Variants in SGCG observed in about 807,000 individuals in gnomAD.
SGCG encodes sarcoglycan gamma, also known as gamma-sarcoglycan.
Under a neutral mutation model 29.3 loss-of-function variants are expected in SGCG, and 26 were observed. The ratio of observed to expected loss-of-function variants is 0.89; its 90% CI spans 0.65 to 1.23. SGCG has a LOEUF of 1.23. Among genes scored for constraint, SGCG ranks in the 50% most tolerant of loss-of-function variants. The pLI is 0.00. For synonymous variants in SGCG, 145 were observed against 129.7 expected (o/e 1.12, Z -0.80); for missense variants, 353 against 356.0 (o/e 0.99, Z 0.07).
intron 1 of SGCG, among the ~76,000 whole-genome samples, chr13:23,196,941 G>A (rs1877536687): frequency 6.6e-6 from 1 of 152,116 alleles, no homozygotes; most frequent in African/African-American, 2.4e-5. Context: ...GCATAACATA[G>A]GCAGCCTGAA....
chr13:23,191,490 G>A (rs1233398946), intron 1 of SGCG, among the ~76,000 whole-genome samples: 1 of 152,206 alleles, frequency 6.6e-6, no homozygotes, highest in Non-Finnish European at 1.5e-5. Flanking sequence ...CTGCTGTAGA[G>A]CATTACAAAT....
At chr13:23,209,594 G>A (rs1258271116) in intron 2 of SGCG, among the ~76,000 whole-genome samples, 1 of 152,180 alleles carries the variant, frequency 6.6e-6, no homozygotes, top group African/African-American at 2.4e-5. Context: ...AATGCACAGT[G>A]GTCATGGAGG....
chr13:23,196,557 T>A (rs1218709268), intron 1 of SGCG, among the ~76,000 whole-genome samples: 1 of 152,202 alleles, frequency 6.6e-6, no homozygotes, highest in Non-Finnish European at 1.5e-5. Context: ...TTTTGGTATG[T>A]TTATTCGTCA....
At chr13:23,237,097 T>C (rs1879344761) in intron 3 of SGCG, among the ~76,000 whole-genome samples, 1 of 152,196 alleles carries the variant, frequency 6.6e-6, no homozygotes, top group Non-Finnish European at 1.5e-5. Flanking sequence ...ACTGATGAGC[T>C]GAGAGAATTT....
At chr13:23,161,280 G>C in the SGCG span, among the ~76,000 whole-genome samples, 8 of 152,182 alleles carry the variant, frequency 5.3e-5, no homozygotes, top group East Asian at 1.5e-3. Flanking sequence ...GGTTACATCA[G>C]CGTTAGCAAG....
chr13:23,271,274 C>G (rs1218388867), intron 4 of SGCG, among the ~76,000 whole-genome samples: 2 of 152,146 alleles, frequency 1.3e-5, no homozygotes, highest in Non-Finnish European at 2.9e-5. Flanking sequence ...TACTAGATTT[C>G]CATGTCTATC....
intron 4 of SGCG, among the ~76,000 whole-genome samples, chr13:23,263,747 G>T (rs973883988): frequency 2.6e-5 from 4 of 151,944 alleles, no homozygotes; most frequent in African/African-American, 9.7e-5. Flanking sequence ...TGAGCAAGTT[G>T]GTTTCATTCT....
chr13:23,203,593 AAT>A (rs1877854410), intron 1 of SGCG, 100 bp from the exon 2 acceptor site: 1 of 813,312 alleles, frequency 1.2e-6, no homozygotes, highest in South Asian at 1.5e-5. Flanking sequence ...TGGGATGAAA[AAT>A]ATGTTTTCAG....
Position 23,276,431 on chromosome 13 carries a change from C to CTTTTTTTTTTTTTTTTTTTTTTTTT in SGCG, c.386-2909_386-2908insTTTTTTTTTTTTTTTTTTTTTTTTT, listed in dbSNP as rs71100165. On this transcript the variant is annotated intron_variant, in intron 4 of 7. Transcript: ENST00000218867. The stretch of plus-strand genomic sequence containing the variant: ...CATGAACGCTTTCTTTTTTAGTTTT[C>CTTTTTTTTTTTTTTTTTTTTTTTTT]TTTTTTTTTTTTTTTTTTTGAGACA... Among the ~76,000 whole-genome samples, 23 of 102,336 alleles carry CTTTTTTTTTTTTTTTTTTTTTTTTT rather than the reference C, an allele frequency of 2.2e-4. 1 individual carries two copies. The highest frequency in any genetic ancestry group is 3.9e-4 in the South Asian group (1 of 2,568). 67.1% of individuals were successfully genotyped at this position (102,336 alleles called of 152,430 possible).
chr13:23,211,532 CTG>C (rs1878212738), intron 2 of SGCG, among the ~76,000 whole-genome samples: 4 of 152,166 alleles, frequency 2.6e-5, no homozygotes, highest in African/African-American at 4.8e-5. Flanking sequence ...TCCCACTTAC[CTG>C]CACATCACTT....
In SGCG at chr13:23,234,624, A is replaced by T; in HGVS notation, c.209A>T (p.His70Leu). ...TTTTTTTAACAGGCAGGAATGGGCC[A>T]CTTGTGTGTAACAAAAGATGGACTG... Reference protein sequence around the residue: ...VMWFSPAGMGHLCVTKDGLRL... With the variant: ...VMWFSPAGMGLLCVTKDGLRL... The change falls in exon 3 of 8, where the codon CAC becomes CTC. Residue 70 changes from histidine (H) to leucine (L), a missense_variant. Coordinates refer to ENST00000218867, the MANE Select transcript of SGCG (RefSeq NM_000231.3). The T allele has an allele frequency of 6.2e-7, 1 of 1,610,174 alleles. No individual in the cohort carries two copies. Among genetic ancestry groups the T allele is most frequent in the Non-Finnish European group, 8.5e-7 (1 of 1,176,692 alleles).
chr13:23,309,063 A>G (rs980331974), intron 6 of SGCG, among the ~76,000 whole-genome samples: 13 of 152,104 alleles, frequency 8.5e-5, no homozygotes, highest in Non-Finnish European at 1.5e-4. Flanking sequence ...GGTTTGGCCC[A>G]TAATTATTAG....
chr13:23,300,159 A>G (rs1198011091), intron 6 of SGCG, among the ~76,000 whole-genome samples: 1 of 152,224 alleles, frequency 6.6e-6, no homozygotes, highest in Non-Finnish European at 1.5e-5. Context: ...TCATCTACTT[A>G]TCTAAGGAAG....
At chr13:23,166,453 C>T in the SGCG span, among the ~76,000 whole-genome samples, 2 of 152,160 alleles carry the variant, frequency 1.3e-5, no homozygotes, top group African/African-American at 4.8e-5. Context: ...CCCAGCCTCC[C>T]AAAATGCTGG....
At chr13:23,317,545 G>C (rs1181597908) in intron 6 of SGCG, among the ~76,000 whole-genome samples, 1 of 151,300 alleles carries the variant, frequency 6.6e-6, no homozygotes, top group Non-Finnish European at 1.5e-5. Flanking sequence ...CCTTTTTTTT[G>C]CTGAAAACAT....
At chr13:23,217,665 T>C (rs1400364822) in intron 2 of SGCG, 2 of 151,916 alleles carry the variant, frequency 1.3e-5, no homozygotes, top group East Asian at 1.9e-4. Context: ...AGTAGGCTTG[T>C]CTATTTTTAT....
chr13:23,279,219 A>G, intron 4 of SGCG, 140 bp from the exon 5 acceptor site: 1 of 738,810 alleles, frequency 1.4e-6, no homozygotes, highest in Non-Finnish European at 2.3e-6. Context: ...TAATCACAGA[A>G]TCAATCAATA....
At chr13:23,239,237 G>A (rs1879419132) in intron 3 of SGCG, among the ~76,000 whole-genome samples, 1 of 151,900 alleles carries the variant, frequency 6.6e-6, no homozygotes, top group African/African-American at 2.4e-5. Context: ...AGAGAAAAAG[G>A]ATATATAACA....
At chr13:23,169,217 T>C in the SGCG span, among the ~76,000 whole-genome samples, 1 of 152,002 alleles carries the variant, frequency 6.6e-6, no homozygotes, top group Non-Finnish European at 1.5e-5. Flanking sequence ...ACACTGATGA[T>C]GTGGATTTCC....
Sources: gnomAD v4.1 joint callset for allele counts (sites outside exome capture counted in the v4.1 genomes callset) on GRCh38, gnomAD v4.1.1 for gene constraint, MANE v1.5 for transcripts, NCBI Gene and HGNC (gene_info 2026-07-23, HGNC 2026-07-21) for gene names.